The following MEIKIN variants were observed in gnomAD, a reference collection of about 807,000 sequenced individuals.
MEIKIN encodes the protein meiosis-specific kinetochore protein.
intron 6 of MEIKIN, among the ~76,000 whole-genome samples, chr5:131,917,762 AGT>A (rs1229371486): frequency 1.3e-5 from 2 of 152,138 alleles, no homozygotes; most frequent in African/African-American, 2.4e-5. Context: ...TAAAACCTTT[AGT>A]TTCTGTGGTA....
At chr5:131,868,354 G>C (rs1750427262) in intron 9 of MEIKIN, among the ~76,000 whole-genome samples, 1 of 152,166 alleles carries the variant, frequency 6.6e-6, no homozygotes, top group Non-Finnish European at 1.5e-5. Context: ...AAAATGTTGG[G>C]ATTACAGGCA....
chr5:131,908,355 G>C (rs1056918479), intron 8 of MEIKIN, among the ~76,000 whole-genome samples: 21 of 152,068 alleles, frequency 1.4e-4, no homozygotes, highest in African/African-American at 4.8e-4. Context: ...AATTATGCTA[G>C]AAAATCGTGA....
chr5:131,818,202 A>T (rs755900350), intron 12 of MEIKIN, among the ~76,000 whole-genome samples: 2 of 152,238 alleles, frequency 1.3e-5, no homozygotes, highest in Non-Finnish European at 2.9e-5. Context: ...GGAAGTACTC[A>T]ACCAATATGA....
chr5:131,911,105 T>C (rs1419970662), intron 8 of MEIKIN, among the ~76,000 whole-genome samples: 2 of 152,148 alleles, frequency 1.3e-5, no homozygotes, highest in African/African-American at 4.8e-5. Context: ...TTTTACAAGA[T>C]TAGTTTTTAT....
chr5:131,923,604 T>C (rs1751542721), intron 5 of MEIKIN, among the ~76,000 whole-genome samples: 1 of 151,890 alleles, frequency 6.6e-6, no homozygotes, highest in African/African-American at 2.4e-5. Flanking sequence ...AGTTTTCCAT[T>C]CTGCTTTTGC....
At chr5:131,843,700 T>C (rs758034592) in intron 11 of MEIKIN, among the ~76,000 whole-genome samples, 1 of 152,214 alleles carries the variant, frequency 6.6e-6, no homozygotes, top group Admixed American at 6.5e-5. Context: ...TCTCTGTCCA[T>C]ATCACTATCA....
At chr5:131,839,299 CAT>C (rs759963106) in intron 11 of MEIKIN, among the ~76,000 whole-genome samples, 61 of 152,132 alleles carry the variant, frequency 4.0e-4, no homozygotes, top group Non-Finnish European at 7.8e-4. Context: ...GAGTATGTGA[CAT>C]GTGGTGATGA....
At chr5:131,906,695 A>G (rs1185255364) in intron 8 of MEIKIN, among the ~76,000 whole-genome samples, 6 of 152,246 alleles carry the variant, frequency 3.9e-5, no homozygotes, top group Admixed American at 6.5e-5. Context: ...ATACAAAAGA[A>G]TAAGAATATG....
chr5:131,911,190 C>A lies in MEIKIN; in HGVS notation c.703+625G>T, dbSNP rs76895147. ...CTACAGTTCCTAACTTAATGTGTGG[C>A]ATTTAGTAAATGCTCATTAAGATAA... On this transcript the variant is annotated intron_variant, in intron 8 of 12. Coordinates refer to ENST00000442687, the MANE Select transcript of MEIKIN (RefSeq NM_001303622.2). Among the ~76,000 whole-genome samples the A allele has an allele frequency of 1.6e-3, 248 of 152,108 alleles. 1 individual carries two copies. The highest frequency in any genetic ancestry group is 5.9e-3 in the African/African-American group (243 of 41,522).
chr5:131,870,828 C>T lies in MEIKIN; in HGVS notation c.774+8150G>A, dbSNP rs1343187633. On this transcript the variant is annotated intron_variant, in intron 9 of 12. Coordinates refer to ENST00000442687, the MANE Select transcript of MEIKIN (RefSeq NM_001303622.2). Reference sequence around the variant, plus strand: ...GGTCACCAAAAATCTTTGTAACTCCCTACTAATGGGTCTCCCTATTCACCC... The same window carrying T: ...GGTCACCAAAAATCTTTGTAACTCCTTACTAATGGGTCTCCCTATTCACCC... Among the ~76,000 whole-genome samples, 5 of 152,150 alleles carry T rather than the reference C, an allele frequency of 3.3e-5. No individual in the cohort carries two copies. In the East Asian group the frequency reaches 7.7e-4, roughly 23 times the overall value.
intron 12 of MEIKIN, among the ~76,000 whole-genome samples, chr5:131,808,428 G>A (rs1772888261): frequency 6.6e-6 from 1 of 152,096 alleles, no homozygotes; most frequent in African/African-American, 2.4e-5. Flanking sequence ...CAATACTAGA[G>A]ACCCAAAAGT....
intron 9 of MEIKIN, among the ~76,000 whole-genome samples, chr5:131,861,695 T>G (rs1156918355): frequency 6.6e-6 from 1 of 152,236 alleles, no homozygotes; most frequent in African/African-American, 2.4e-5. Context: ...TTTTTCTGCA[T>G]CTATAAAAAT....
At chr5:131,825,456 G>A (rs1749594880) in intron 11 of MEIKIN, among the ~76,000 whole-genome samples, 2 of 152,170 alleles carry the variant, frequency 1.3e-5, no homozygotes, top group African/African-American at 4.8e-5. Context: ...ACAAGGAGCA[G>A]TTGTCCTCCA....
At chr5:131,839,292 T>C (rs1749864282) in intron 11 of MEIKIN, among the ~76,000 whole-genome samples, 1 of 152,184 alleles carries the variant, frequency 6.6e-6, no homozygotes, top group Admixed American at 6.5e-5. Flanking sequence ...AATTTTAGAG[T>C]ATGTGACATG....
chr5:131,941,880 CTCT>C (rs1411367446), intron 4 of MEIKIN, among the ~76,000 whole-genome samples: 1 of 152,200 alleles, frequency 6.6e-6, no homozygotes, highest in East Asian at 1.9e-4. Context: ...ATCTCCTTCA[CTCT>C]TCATTTGCCA....
chr5:131,899,725 AGGTTATATATAATGATAAAGG>A (rs1751123288), intron 8 of MEIKIN, among the ~76,000 whole-genome samples: 1 of 152,160 alleles, frequency 6.6e-6, no homozygotes, highest in Non-Finnish European at 1.5e-5. Flanking sequence ...AAGACAAAGA[AGGTTATATATAATGATAAAGG>A]GGTCAATTCA....
intron 7 of MEIKIN, among the ~76,000 whole-genome samples, chr5:131,915,038 A>T (rs1044291082): frequency 1.3e-4 from 20 of 152,156 alleles, no homozygotes; most frequent in Non-Finnish European, 1.2e-4. Context: ...AGCTCTCCTG[A>T]GATTCTCTTA....
chr5:131,819,997 G>A (rs956959916), intron 11 of MEIKIN, among the ~76,000 whole-genome samples: 5 of 147,094 alleles, frequency 3.4e-5, no homozygotes, highest in Non-Finnish European at 7.5e-5. Context: ...GGATGGTCTC[G>A]ATCTCCTGAC....
At chr5:131,830,562 C>T (rs528179155) in intron 11 of MEIKIN, among the ~76,000 whole-genome samples, 3 of 152,346 alleles carry the variant, frequency 2.0e-5, no homozygotes, top group East Asian at 1.9e-4. Context: ...AGATTCTCAT[C>T]GTCCTTTTGG....
Sources: gnomAD v4.1 joint callset for allele counts (sites outside exome capture counted in the v4.1 genomes callset) on GRCh38, gnomAD v4.1.1 for gene constraint, MANE v1.5 for transcripts, NCBI Gene and HGNC (gene_info 2026-07-23, HGNC 2026-07-21) for gene names.